REC114: variants seen among roughly 807,000 people sequenced by gnomAD.
REC114 encodes the protein REC114 meiotic recombination protein, also known as meiotic recombination protein REC114.
REC114 carries 27 observed loss-of-function variants against 31.3 expected under a neutral mutation model. The observed-to-expected ratio is 0.86, with a 90% confidence interval of 0.64 to 1.19. The LOEUF is 1.19. Among genes scored for constraint, REC114 ranks in the 50% most tolerant of loss-of-function variants. REC114 has a pLI of 0.00. For synonymous variants in REC114, 134 were observed against 127.7 expected, an observed-to-expected ratio of 1.05 and a Z score of -0.33; for missense variants, 344 against 326.9, an observed-to-expected ratio of 1.05 and a Z score of -0.40.
At chr15:73,529,122 T>A (rs1353849678) in intron 2 of REC114, among the ~76,000 whole-genome samples, 1 of 151,598 alleles carries the variant, frequency 6.6e-6, no homozygotes, top group African/African-American at 2.4e-5. Context: ...TTTTTATTTT[T>A]ATTATTTATT....
intron 1 of REC114, among the ~76,000 whole-genome samples, chr15:73,454,186 G>C (rs984441060): frequency 2.6e-5 from 4 of 152,180 alleles, no homozygotes; most frequent in Non-Finnish European, 5.9e-5. Context: ...ACAGAGAGTT[G>C]AGAAGCACCC....
intron 5 of REC114, among the ~76,000 whole-genome samples, chr15:73,558,434 T>C (rs1335973620): frequency 6.6e-6 from 1 of 152,166 alleles, no homozygotes; most frequent in East Asian, 1.9e-4. Context: ...ATCTTCCAAA[T>C]TGTCAAGATT....
chr15:73,477,795 A>G (rs1893235100), intron 2 of REC114, among the ~76,000 whole-genome samples: 1 of 152,114 alleles, frequency 6.6e-6, no homozygotes, highest in African/African-American at 2.4e-5. Flanking sequence ...GTTCATTATG[A>G]ATTTTTTTAG....
At chr15:73,540,292 G>T (rs754068168) in intron 2 of REC114, among the ~76,000 whole-genome samples, 193 bp from the exon 3 acceptor site, 1 of 152,146 alleles carries the variant, frequency 6.6e-6, no homozygotes, top group Non-Finnish European at 1.5e-5. Flanking sequence ...CGTTCCTCAT[G>T]CAGGAAAAGC....
At chr15:73,535,391 C>G (rs1408372649) in intron 2 of REC114, among the ~76,000 whole-genome samples, 1 of 151,458 alleles carries the variant, frequency 6.6e-6, no homozygotes, top group African/African-American at 2.4e-5. Context: ...CAGCAACAGA[C>G]AAACAGCCAA....
intron 4 of REC114, among the ~76,000 whole-genome samples, chr15:73,555,098 G>A (rs1002321154): frequency 6.6e-6 from 1 of 151,912 alleles, no homozygotes; most frequent in Non-Finnish European, 1.5e-5. Context: ...TTTTGTTGTT[G>A]TTTGATGCTT....
chr15:73,547,981 C>G (rs947277688), intron 3 of REC114, among the ~76,000 whole-genome samples: 6 of 152,142 alleles, frequency 3.9e-5, no homozygotes, highest in Admixed American at 3.3e-4. Context: ...AAACACAAAA[C>G]CTATAGAATA....
chr15:73,501,257 A>G (rs1487826364), intron 2 of REC114, among the ~76,000 whole-genome samples: 1 of 152,226 alleles, frequency 6.6e-6, no homozygotes, highest in Non-Finnish European at 1.5e-5. Flanking sequence ...AGTTTAAAAG[A>G]AACAAGTTTT....
At position 73,550,954 on chromosome 15, in the gene REC114, T is replaced by G. The variant is rs748496991; in HGVS notation, c.350T>G (p.Phe117Cys). The change falls in exon 4 of 6, where the codon TTT becomes TGT. Residue 117 changes from phenylalanine (F) to cysteine (C), a missense_variant. By Grantham distance (205) the Phe-to-Cys change is radical. Coordinates refer to ENST00000331090, the MANE Select transcript of REC114 (RefSeq NM_001042367.2). ...GTCAAACAGGACAAGAGTCGCCTGT[T>G]TCGAGTACAGTTCAGTGGAGAGTCA... The part of the protein sequence containing the change: ...GTTIKDKSRL[F>C]RVQFSGESKE... 1 of 1,613,866 alleles carries G rather than the reference T, an allele frequency of 6.2e-7. No homozygotes were observed. Among genetic ancestry groups the G allele is most frequent in the Admixed American group, 1.7e-5 (1 of 60,010 alleles).
rs188801600 is a variant in REC114 at position 73,529,374 on chromosome 15, G to A, written c.250-11111G>A. Among the ~76,000 whole-genome samples the A allele has an allele frequency of 2.6e-4, 40 of 152,106 alleles. 1 individual carries two copies. The highest frequency in any genetic ancestry group is 1.5e-3 in the Admixed American group (23 of 15,276). ...AGGATGGTCTTGATCTCCTGACCTC[G>A]TGGTCCACCTGCCTCGGCCTCCCAA... On this transcript the variant is annotated intron_variant, in intron 2 of 5. Transcript: ENST00000331090.
chr15:73,472,092 G>A (rs868220160), intron 1 of REC114, among the ~76,000 whole-genome samples: 1 of 152,038 alleles, frequency 6.6e-6, no homozygotes. Context: ...CTTATATTTC[G>A]GATGCTTTTT....
At chr15:73,499,298 G>A (rs1893571674) in intron 2 of REC114, among the ~76,000 whole-genome samples, 1 of 151,942 alleles carries the variant, frequency 6.6e-6, no homozygotes, top group African/African-American at 2.4e-5. Flanking sequence ...AAGTATTATG[G>A]AAAAATATTT....
intron 2 of REC114, among the ~76,000 whole-genome samples, chr15:73,519,784 A>G (rs1364161509): frequency 6.6e-6 from 1 of 152,250 alleles, no homozygotes; most frequent in African/African-American, 2.4e-5. Flanking sequence ...ATAATGGAAT[A>G]TTATTTATCC....
intron 1 of REC114, among the ~76,000 whole-genome samples, chr15:73,453,584 A>G (rs918470741): frequency 6.6e-6 from 1 of 152,216 alleles, no homozygotes; most frequent in African/African-American, 2.4e-5. Flanking sequence ...ATCTAGAACT[A>G]GAAATACCAT....
intron 2 of REC114, among the ~76,000 whole-genome samples, chr15:73,531,662 G>C (rs928953821): frequency 6.6e-6 from 1 of 152,160 alleles, no homozygotes; most frequent in Admixed American, 6.5e-5. Context: ...AGACATGCTG[G>C]GCACAAAGAT....
chr15:73,466,609 C>T (rs757617289), intron 1 of REC114, among the ~76,000 whole-genome samples: 97 of 152,074 alleles, frequency 6.4e-4, no homozygotes, highest in African/African-American at 2.3e-3. Context: ...GTACAATTTA[C>T]GCAACTATTA....
Position 73,481,590 on chromosome 15 carries a change from AT to A in REC114, c.249+7679del, listed in dbSNP as rs796159488. Among the ~76,000 whole-genome samples the A allele has an allele frequency of 2.7e-3, 327 of 121,774 alleles. 1 individual carries two copies. Among genetic ancestry groups the A allele is most frequent in the Admixed American group, 3.6e-3 (42 of 11,714 alleles). 79.9% of individuals were successfully genotyped at this position (121,774 alleles called of 152,430 possible). A position where few individuals can be genotyped will look rare whatever the true frequency, so the allele number is the denominator to read the frequency against. ...CTCCCTTGGCCGTTTTGGGTTTCACATTTTTTTTTTCCCTAATTGTGGTAAA... is the reference window on the plus strand; with the variant it reads ...CTCCCTTGGCCGTTTTGGGTTTCACATTTTTTTTTCCCTAATTGTGGTAAA... On this transcript the variant is annotated intron_variant, in intron 2 of 5. Coordinates refer to ENST00000331090, the MANE Select transcript of REC114 (RefSeq NM_001042367.2).
intron 1 of REC114, among the ~76,000 whole-genome samples, chr15:73,467,924 G>A (rs1324333619): frequency 1.3e-5 from 2 of 150,766 alleles, no homozygotes; most frequent in African/African-American, 2.4e-5. Context: ...TCTCTAACAC[G>A]TAGAGGTTGC....
At chr15:73,495,523 A>G (rs1330200002) in intron 2 of REC114, among the ~76,000 whole-genome samples, 1 of 151,352 alleles carries the variant, frequency 6.6e-6, no homozygotes, top group Non-Finnish European at 1.5e-5. Context: ...AAAAAAAAAA[A>G]GCAAGAGAAC....
Sources: allele counts gnomAD v4.1 joint callset (sites outside exome capture counted in the v4.1 genomes callset), GRCh38; gene constraint gnomAD v4.1.1; transcripts MANE v1.5; gene names NCBI Gene and HGNC (gene_info 2026-07-23, HGNC 2026-07-21).